PIK3R6: variants seen among roughly 807,000 people sequenced by gnomAD.
PIK3R6 encodes the protein phosphoinositide 3-kinase regulatory subunit 6.
PIK3R6 carries 91 observed loss-of-function variants against 84.9 expected under a neutral mutation model. The observed-to-expected ratio is 1.07, with a 90% confidence interval of 0.90 to 1.28. The LOEUF is 1.28. Ranked by LOEUF, PIK3R6 falls within the 50% of genes most tolerant of loss-of-function variation. PIK3R6 has a pLI of 0.00. For missense variants in PIK3R6, 996 were observed against 985.1 expected, an observed-to-expected ratio of 1.01 and a Z score of -0.15; for synonymous variants, 416 against 411.4, an observed-to-expected ratio of 1.01 and a Z score of -0.13.
At chr17:8,822,452 G>A (rs544071139) in intron 16 of PIK3R6, 135 bp downstream of exon 16, 4 of 990,138 alleles carry the variant, frequency 4.0e-6, no homozygotes, top group East Asian at 5.2e-5. Context: ...TGAAGGCTGG[G>A]GAACTCTGCG....
At chr17:8,840,615 GTATATCCTCCAAATATATATGAAATATA>G (rs1404176764) in intron 2 of PIK3R6, among the ~76,000 whole-genome samples, 8 of 145,680 alleles carry the variant, frequency 5.5e-5, no homozygotes, top group South Asian at 4.3e-4. Flanking sequence ...TATATGAAAT[GTATATCCTCCAAATATATATGAAATATA>G]TATATCCTCC....
chr17:8,827,929 C>A (rs1400558155), intron 12 of PIK3R6, among the ~76,000 whole-genome samples, 183 bp downstream of exon 12: 1 of 152,154 alleles, frequency 6.6e-6, no homozygotes, highest in Non-Finnish European at 1.5e-5. Flanking sequence ...CCACATGCAA[C>A]CCCCAGAGCA....
intron 13 of PIK3R6, among the ~76,000 whole-genome samples, chr17:8,824,582 A>G (rs560845820): frequency 6.6e-6 from 1 of 152,316 alleles, no homozygotes; most frequent in African/African-American, 2.4e-5. Flanking sequence ...TGTTTCTGGT[A>G]TCTTCATGTG....
chr17:8,827,346 C>A lies in PIK3R6; in HGVS notation c.1393-52G>T, dbSNP rs368110960. 2.5e-5 allele frequency: 39 copies of A among 1,533,384 alleles called. No individual in the cohort carries two copies. The African/African-American group carries it at 5.2e-4, about 20-fold the overall frequency. 95.0% of individuals were successfully genotyped at this position (1,533,384 alleles called of 1,614,324 possible). A position where few individuals can be genotyped will look rare whatever the true frequency, so the allele number is the denominator to read the frequency against. On this transcript the variant is annotated intron_variant, in intron 12 of 19. Coordinates refer to ENST00000619866, the MANE Select transcript of PIK3R6 (RefSeq NM_001010855.4). ...CGTCAGGCCCTCTCTCCAGCTCTGC[C>A]TTCCAGCTGCCATCAGCCTAGGCTG... is the stretch of plus-strand genomic sequence containing the variant.
rs1042783464 is a variant in PIK3R6, at chr17:8,844,844, C to T, written c.13+4938G>A. Among the ~76,000 whole-genome samples, 1 of 151,968 alleles carries T rather than the reference C, an allele frequency of 6.6e-6. No homozygotes were observed. Among genetic ancestry groups the T allele is most frequent in the African/African-American group, 2.4e-5 (1 of 41,388 alleles). On this transcript the variant is annotated intron_variant, in intron 2 of 19. Coordinates refer to ENST00000619866, the MANE Select transcript of PIK3R6 (RefSeq NM_001010855.4). The surrounding 1 kb of genome is among the most constrained non-coding windows in gnomAD (Gnocchi z 4.5). ...TTCCCTCCCTCCCCATTCTAGTAGC[C>T]CCCAGTTTCTATTGTTGCCATCTTT...
In PIK3R6 at chr17:8,803,169, CA is replaced by C; in HGVS notation, c.*103del. 1 of 1,490,370 alleles carries C rather than the reference CA, an allele frequency of 6.7e-7. No individual in the cohort carries two copies. Among genetic ancestry groups the C allele is most frequent in the Non-Finnish European group, 9.2e-7 (1 of 1,091,168 alleles). 92.3% of individuals were successfully genotyped at this position (1,490,370 alleles called of 1,614,324 possible). ...GCACTCGCTGGCTCCTGGTCAAGGC[CA>C]AAGCTGCCGTGTGGAGCCGGGCCTT... is the stretch of plus-strand genomic sequence containing the variant. On this transcript the variant is annotated 3_prime_UTR_variant, in exon 20 of 20. Coordinates refer to ENST00000619866, the MANE Select transcript of PIK3R6 (RefSeq NM_001010855.4). The surrounding 1 kb of genome is among the most constrained non-coding windows in gnomAD (Gnocchi z 5.0).
At chr17:8,809,395 T>A (rs763157048) in intron 18 of PIK3R6, among the ~76,000 whole-genome samples, 4 of 152,156 alleles carry the variant, frequency 2.6e-5, no homozygotes, top group Non-Finnish European at 4.4e-5. Flanking sequence ...TACACAAGAC[T>A]GCAAAGCAAC....
intron 2 of PIK3R6, among the ~76,000 whole-genome samples, chr17:8,845,188 C>A (rs1251100574): frequency 6.6e-6 from 1 of 152,172 alleles, no homozygotes; most frequent in Non-Finnish European, 1.5e-5. Flanking sequence ...GATATATACC[C>A]AGTAGTGGGA....
At chr17:8,854,529 C>T (rs149544447) in intron 1 of PIK3R6, among the ~76,000 whole-genome samples, 107 of 152,200 alleles carry the variant, frequency 7.0e-4, no homozygotes, top group African/African-American at 2.1e-3. Flanking sequence ...ACGAAGAGTT[C>T]GGAAGCAGGC....
intron 1 of PIK3R6, among the ~76,000 whole-genome samples, chr17:8,854,772 T>G (rs1244113870): frequency 6.6e-6 from 1 of 152,238 alleles, no homozygotes; most frequent in African/African-American, 2.4e-5. Flanking sequence ...AAAAAATCCT[T>G]GTAACCTCAT....
chr17:8,840,088 T>G (rs1228180782), intron 2 of PIK3R6, among the ~76,000 whole-genome samples: 3 of 151,306 alleles, frequency 2.0e-5, no homozygotes, highest in Admixed American at 1.3e-4. Flanking sequence ...AATATATATA[T>G]CCTCCAAATA....
rs28729942 is a variant in PIK3R6 at position 8,819,215 on chromosome 17, G to A, written c.1880-17C>T. On this transcript the variant is annotated splice_polypyrimidine_tract_variant and intron_variant, in intron 17 of 19. Transcript: ENST00000619866. Reference sequence around the variant, plus strand: ...ACCCTGAAACTGAATGAGATGGGTGGGGCTGTAAATGGACCTCCAGGGAAG... The same window carrying A: ...ACCCTGAAACTGAATGAGATGGGTGAGGCTGTAAATGGACCTCCAGGGAAG... The A allele has an allele frequency of 1.2e-3, 1,885 of 1,564,806 alleles. 23 individuals carry two copies. In the African/African-American group the frequency reaches 0.022, roughly 18 times the overall value.
intron 12 of PIK3R6, among the ~76,000 whole-genome samples, 200 bp downstream of exon 12, chr17:8,827,912 T>C (rs993728069): frequency 6.6e-6 from 1 of 151,802 alleles, no homozygotes; most frequent in Admixed American, 6.6e-5. Flanking sequence ...AGAGACCCAA[T>C]CTCTGGCCAC....
chr17:8,853,505 AT>A (rs1401801270), intron 1 of PIK3R6, among the ~76,000 whole-genome samples: 7 of 148,206 alleles, frequency 4.7e-5, no homozygotes, highest in African/African-American at 7.3e-5. Context: ...AAAAATAATA[AT>A]AATAATAATA....
rs1193953030 is a variant in PIK3R6 at position 8,828,841 on chromosome 17, G to C, written c.1039C>G (p.Pro347Ala). 4 of 1,596,944 alleles carry C rather than the reference G, an allele frequency of 2.5e-6. No individual in the cohort carries two copies. The highest frequency in any genetic ancestry group is 3.4e-6 in the Non-Finnish European group (4 of 1,170,872). Reference protein sequence around the residue: ...STDSGIERDLPTGADELPAPG... With the variant: ...STDSGIERDLATGADELPAPG... ...GCAGGCAGCTCATCAGCCCCCGTGGGAAGGTCCCGCTCAATGCCGCTGTCA... is the reference window on the plus strand; with the variant it reads ...GCAGGCAGCTCATCAGCCCCCGTGGCAAGGTCCCGCTCAATGCCGCTGTCA... The change falls in exon 11 of 20, where the codon CCC becomes GCC. Residue 347 changes from proline (P) to alanine (A), a missense_variant. Transcript: ENST00000619866.
chr17:8,854,401 T>C lies in PIK3R6; in HGVS notation c.-91-4516A>G, dbSNP rs138114750. ...TGACCTCGTTATCCTCCCGCCTCGG[T>C]CTCCCAAAGTGCTGGGATTACAGGT... is the stretch of plus-strand genomic sequence containing the variant. On this transcript the variant is annotated intron_variant, in intron 1 of 19. Coordinates refer to ENST00000619866, the MANE Select transcript of PIK3R6 (RefSeq NM_001010855.4). Among the ~76,000 whole-genome samples, 836 of 152,248 alleles carry C rather than the reference T, an allele frequency of 5.5e-3. 6 individuals carry two copies. Among genetic ancestry groups the C allele is most frequent in the African/African-American group, 0.019 (799 of 41,548 alleles).
Position 8,835,273 on chromosome 17 carries a change from C to T in PIK3R6, c.645G>A (p.Gln215=). 1.3e-6 allele frequency: 2 copies of T among 1,542,828 alleles called. No individual in the cohort carries two copies. The highest frequency in any genetic ancestry group is 2.4e-5 in the South Asian group (2 of 83,014). The stretch of plus-strand genomic sequence containing the variant: ...AAGGGGCTGCAGGCAGGGCCATTAC[C>T]TGCAGCTTCCTGTGCAGAGCGCCTG... ...CHAGALHRKL[Q]ASPRRTLEHY... The change falls in exon 8 of 20, where the codon CAG becomes CAA. Residue 215 remains glutamine, a splice_region_variant and synonymous_variant. Coordinates refer to ENST00000619866, the MANE Select transcript of PIK3R6 (RefSeq NM_001010855.4).
chr17:8,833,508 G>A (rs2088334235), intron 8 of PIK3R6, among the ~76,000 whole-genome samples: 1 of 151,046 alleles, frequency 6.6e-6, no homozygotes, highest in South Asian at 2.1e-4. Flanking sequence ...AAAAGAGATT[G>A]TGTGATCTGG....
At chr17:8,830,989 C>CA (rs1460116589) in intron 9 of PIK3R6, among the ~76,000 whole-genome samples, 1 of 151,604 alleles carries the variant, frequency 6.6e-6, no homozygotes, top group African/African-American at 2.4e-5. Flanking sequence ...TAAAAAAACA[C>CA]AAAAAAATTA....
Sources: allele counts gnomAD v4.1 joint callset (sites outside exome capture counted in the v4.1 genomes callset), GRCh38; gene constraint gnomAD v4.1.1; non-coding constraint Gnocchi (gnomAD v3.1); transcripts MANE v1.5; gene names NCBI Gene and HGNC (gene_info 2026-07-23, HGNC 2026-07-21).